The following CDH18 variants were observed in gnomAD, a reference collection of about 807,000 sequenced individuals.
The protein encoded by CDH18 is cadherin-18.
Under a neutral mutation model 67.9 loss-of-function variants are expected in CDH18, and 31 were observed. That is an observed-to-expected ratio of 0.46 (90% CI 0.34 to 0.62). CDH18 has a LOEUF of 0.62. Among genes scored for constraint, CDH18 ranks in the 20% least tolerant of loss-of-function variants. CDH18 has a pLI of 0.01. For synonymous variants in CDH18, 362 were observed against 347.2 expected, an observed-to-expected ratio of 1.04 and a Z score of -0.48; for missense variants, 890 against 975.5, an observed-to-expected ratio of 0.91 and a Z score of 1.17.
chr5:19,921,282 A>G (rs1474308011), intron 2 of CDH18, among the ~76,000 whole-genome samples: 1 of 152,196 alleles, frequency 6.6e-6, no homozygotes, highest in Admixed American at 6.5e-5. Flanking sequence ...CTGTAATCCC[A>G]GCACTTTGGG....
chr5:20,017,930 T>A (rs569259056), intron 2 of CDH18, among the ~76,000 whole-genome samples: 1 of 152,146 alleles, frequency 6.6e-6, no homozygotes, highest in African/African-American at 2.4e-5. Context: ...ACTGTATGAG[T>A]TCCATATTCT....
chr5:19,553,628 T>G (rs1381282232), intron 8 of CDH18, among the ~76,000 whole-genome samples: 1 of 147,102 alleles, frequency 6.8e-6, no homozygotes, highest in African/African-American at 2.5e-5. Context: ...CAACTTGGTC[T>G]CATACTTTTT....
At chr5:19,533,757 C>T (rs1749011214) in intron 9 of CDH18, among the ~76,000 whole-genome samples, 1 of 152,030 alleles carries the variant, frequency 6.6e-6, no homozygotes, top group South Asian at 2.1e-4. Flanking sequence ...GCCATATTTA[C>T]AGATATCAAC....
intron 5 of CDH18, among the ~76,000 whole-genome samples, chr5:19,690,132 G>A (rs1313785432): frequency 6.6e-6 from 1 of 150,956 alleles, no homozygotes; most frequent in African/African-American, 2.4e-5. Context: ...AAAACTACTA[G>A]CTGGTAACAA....
At chr5:19,900,010 T>C (rs767125838) in intron 2 of CDH18, among the ~76,000 whole-genome samples, 4 of 152,186 alleles carry the variant, frequency 2.6e-5, no homozygotes, top group Non-Finnish European at 5.9e-5. Flanking sequence ...AGAGATCTGC[T>C]GTACAACACT....
At chr5:19,668,279 G>A (rs1478642450) in intron 5 of CDH18, among the ~76,000 whole-genome samples, 1 of 151,958 alleles carries the variant, frequency 6.6e-6, no homozygotes, top group African/African-American at 2.4e-5. Flanking sequence ...TCTTGTGAAA[G>A]TATTCATTTG....
intron 2 of CDH18, among the ~76,000 whole-genome samples, chr5:19,874,343 C>T (rs1275217189): frequency 6.6e-6 from 1 of 152,126 alleles, no homozygotes; most frequent in Non-Finnish European, 1.5e-5. Flanking sequence ...AAGTTATCTG[C>T]CTGACTCCTT....
intron 2 of CDH18, among the ~76,000 whole-genome samples, chr5:19,853,657 C>T (rs1398606847): frequency 6.6e-6 from 1 of 152,102 alleles, no homozygotes; most frequent in Non-Finnish European, 1.5e-5. Flanking sequence ...AGTGCATGCT[C>T]AGGTCTGAAA....
intron 2 of CDH18, among the ~76,000 whole-genome samples, chr5:19,920,912 C>CACACACACAT (rs1167490100): frequency 6.6e-6 from 1 of 151,720 alleles, no homozygotes; most frequent in African/African-American, 2.4e-5. Context: ...CACACACACA[C>CACACACACAT]ACACACACAT....
chr5:19,807,381 C>A (rs1169401632), intron 3 of CDH18, among the ~76,000 whole-genome samples: 5 of 152,102 alleles, frequency 3.3e-5, no homozygotes, highest in African/African-American at 4.8e-5. Flanking sequence ...TTTTATGGAA[C>A]CATCATCATT....
At chr5:20,293,387 T>C (rs1441391062) in intron 1 of CDH18, among the ~76,000 whole-genome samples, 1 of 151,780 alleles carries the variant, frequency 6.6e-6, no homozygotes, top group Non-Finnish European at 1.5e-5. Flanking sequence ...GAGACAATAG[T>C]ACAGGAAAGA....
chr5:20,401,519 C>G (rs989934), intron 1 of CDH18, among the ~76,000 whole-genome samples: 151,216 of 152,296 alleles, frequency 0.99, 75,081 homozygotes, highest in Middle Eastern at 1. Context: ...GTTTCTGAAT[C>G]TTTATATACC....
chr5:20,084,815 G>C (rs1189748179), intron 2 of CDH18, among the ~76,000 whole-genome samples: 1 of 152,158 alleles, frequency 6.6e-6, no homozygotes, highest in Non-Finnish European at 1.5e-5. Flanking sequence ...GGCTGACTGA[G>C]TGGCTGGGAT....
chr5:20,029,451 C>T (rs965242633), intron 2 of CDH18, among the ~76,000 whole-genome samples: 1 of 152,106 alleles, frequency 6.6e-6, no homozygotes. Flanking sequence ...AAATGCTTGG[C>T]CGTTCTCCCA....
chr5:19,644,945 T>C (rs1156455005), intron 5 of CDH18, among the ~76,000 whole-genome samples: 1 of 152,210 alleles, frequency 6.6e-6, no homozygotes, highest in African/African-American at 2.4e-5. Flanking sequence ...GCCCAGGTTT[T>C]TCCAGGGACT....
intron 1 of CDH18, among the ~76,000 whole-genome samples, chr5:20,508,345 A>C (rs1356301676): frequency 7.7e-6 from 1 of 129,276 alleles, no homozygotes; most frequent in African/African-American, 3.3e-5. Flanking sequence ...ATATATATAT[A>C]TATATATATA....
intron 4 of CDH18, among the ~76,000 whole-genome samples, chr5:19,725,501 G>T (rs1234421001): frequency 6.6e-6 from 1 of 152,174 alleles, no homozygotes; most frequent in African/African-American, 2.4e-5. Context: ...CAGGCACAGT[G>T]GCTCACGCCT....
chr5:19,863,848 C>T (rs929968004), intron 2 of CDH18, among the ~76,000 whole-genome samples: 10 of 152,118 alleles, frequency 6.6e-5, no homozygotes, highest in Admixed American at 4.6e-4. Flanking sequence ...AATCCCAGTG[C>T]GGGCTCCATT....
chr5:19,921,737 G>T lies in CDH18; in HGVS notation c.-257+59323C>A, dbSNP rs548644718. On this transcript the variant is annotated intron_variant, in intron 2 of 12. Coordinates refer to ENST00000382275, the MANE Select transcript of CDH18 (RefSeq NM_004934.5). ...AAGGGATATGCAACATCAGTCATAA[G>T]TAGAAAAGTTCAAAATTAGCATATT... Among the ~76,000 whole-genome samples the T allele has an allele frequency of 3.9e-5, 6 of 152,180 alleles. No homozygotes were observed. The South Asian group carries it at 1.2e-3, about 32-fold the overall frequency.
Sources: allele counts gnomAD v4.1 joint callset (sites outside exome capture counted in the v4.1 genomes callset), GRCh38; gene constraint gnomAD v4.1.1; transcripts MANE v1.5; gene names NCBI Gene and HGNC (gene_info 2026-07-23, HGNC 2026-07-21).